The following PLXNA2 variants were observed in gnomAD, a reference collection of about 807,000 sequenced individuals.
PLXNA2 encodes plexin-A2.
A neutral mutation model predicts 193.5 loss-of-function variants in PLXNA2; 91 were observed. The ratio of observed to expected loss-of-function variants is 0.47; its 90% CI spans 0.40 to 0.56. The LOEUF is 0.56. PLXNA2 is among the 20% of genes least tolerant of loss of function. The pLI, the probability that PLXNA2 is intolerant of heterozygous loss-of-function variation, is 0.00. For synonymous variants in PLXNA2, 997 were observed against 1,027.3 expected, an observed-to-expected ratio of 0.97 and a Z score of 0.56; for missense variants, 1,995 against 2,503.2, an observed-to-expected ratio of 0.80 and a Z score of 4.33.
intron 1 of PLXNA2, among the ~76,000 whole-genome samples, chr1:208,242,008 C>T (rs74398479): frequency 7.5e-4 from 114 of 152,224 alleles, no homozygotes; most frequent in African/African-American, 2.5e-3. Flanking sequence ...AATGGTGCTC[C>T]GTGAAGAGAG....
intron 12 of PLXNA2, among the ~76,000 whole-genome samples, chr1:208,072,268 T>A (rs920835551): frequency 9.2e-5 from 14 of 152,204 alleles, no homozygotes; most frequent in African/African-American, 3.4e-4. Flanking sequence ...AAAAGCTACA[T>A]GGTGGTCATT....
At chr1:208,131,694 CG>C (rs1416165028) in intron 4 of PLXNA2, among the ~76,000 whole-genome samples, 3 of 152,168 alleles carry the variant, frequency 2.0e-5, no homozygotes, top group Admixed American at 1.3e-4. Flanking sequence ...GAAGCTGAAT[CG>C]GGGCTTCAAT....
intron 17 of PLXNA2, among the ~76,000 whole-genome samples, 190 bp downstream of exon 17, chr1:208,050,819 G>T (rs1665233877): frequency 6.6e-6 from 1 of 151,974 alleles, no homozygotes; most frequent in African/African-American, 2.4e-5. Flanking sequence ...ACAGGGTGAG[G>T]CCATGTCTTA....
intron 3 of PLXNA2, among the ~76,000 whole-genome samples, chr1:208,150,498 G>A (rs1329814401): frequency 1.3e-5 from 2 of 152,162 alleles, no homozygotes; most frequent in Non-Finnish European, 2.9e-5. Flanking sequence ...GGGACAGTAT[G>A]AGAATTAATA....
At chr1:208,106,004 T>C (rs1300204980) in intron 4 of PLXNA2, among the ~76,000 whole-genome samples, 1 of 151,880 alleles carries the variant, frequency 6.6e-6, no homozygotes, top group Non-Finnish European at 1.5e-5. Flanking sequence ...AGTGAAACCC[T>C]GTTCTTCTCC....
chr1:208,209,983 A>AATTTTTTTTTTTTTTTTTTTTTTTT lies in PLXNA2; in HGVS notation c.1371+296_1371+297insAAAAAAAAAAAAAAAAAAAAAAAAT, dbSNP rs34413554. On this transcript the variant is annotated intron_variant, in intron 3 of 31. Coordinates refer to ENST00000367033, the MANE Select transcript of PLXNA2 (RefSeq NM_025179.4). ...TTGCTTGATTTGGGAATGAAGAGCA[A>AATTTTTTTTTTTTTTTTTTTTTTTT]TTTTTTTTTTTTTTTTTTTTTGCTT... 3.9e-3 allele frequency: 342 copies of AATTTTTTTTTTTTTTTTTTTTTTTT among 87,920 alleles called. 105 individuals carry two copies. The highest frequency in any genetic ancestry group is 9.8e-3 in the East Asian group (24 of 2,456). The allele number at this position is 87,920 out of a possible 1,614,324, so 5.4% of individuals were successfully genotyped here. A position where few individuals can be genotyped will look rare whatever the true frequency, so the allele number is the denominator to read the frequency against.
chr1:208,129,973 A>T (rs1263972371), intron 4 of PLXNA2, among the ~76,000 whole-genome samples: 3 of 152,138 alleles, frequency 2.0e-5, no homozygotes, highest in African/African-American at 7.2e-5. Flanking sequence ...ATTAAATATT[A>T]GTTGAGGGAC....
intron 13 of PLXNA2, among the ~76,000 whole-genome samples, chr1:208,058,357 C>T (rs986257723): frequency 1.3e-5 from 2 of 152,136 alleles, no homozygotes; most frequent in African/African-American, 2.4e-5. Flanking sequence ...GCCCTTTAAC[C>T]GACATTAACC....
At chr1:208,237,887 C>A (rs1277869896) in intron 1 of PLXNA2, among the ~76,000 whole-genome samples, 5 of 152,194 alleles carry the variant, frequency 3.3e-5, no homozygotes, top group African/African-American at 9.7e-5. Context: ...ACTTTTTCAT[C>A]CTTGTATTAG....
chr1:208,168,104 T>C (rs1669366227), intron 3 of PLXNA2, among the ~76,000 whole-genome samples: 1 of 152,182 alleles, frequency 6.6e-6, no homozygotes, highest in African/African-American at 2.4e-5. Flanking sequence ...TCCGCAAGCT[T>C]CTAGGGCTTT....
In PLXNA2 at chr1:208,223,593, A is replaced by AATG. The variant is rs1248524614; in HGVS notation, c.-80-5594_-80-5592dup. Among the ~76,000 whole-genome samples the AATG allele has an allele frequency of 4.4e-4, 67 of 152,152 alleles. 1 individual carries two copies. The highest frequency in any genetic ancestry group is 3.8e-4 in the Non-Finnish European group (26 of 68,018). ...AATGGCTCCTTTCCCCCTTGGGGAG[A>AATG]ATGATTGCTTCTGTCCTCTTCTAGG... On this transcript the variant is annotated intron_variant, in intron 1 of 31. Transcript: ENST00000367033.
At chr1:208,100,896 G>A (rs935752956) in intron 5 of PLXNA2, among the ~76,000 whole-genome samples, 4 of 152,094 alleles carry the variant, frequency 2.6e-5, no homozygotes, top group South Asian at 4.1e-4. Flanking sequence ...CCCGCTCCAC[G>A]GCTGGTGCCA....
At chr1:208,155,338 C>T (rs1668906438) in intron 3 of PLXNA2, among the ~76,000 whole-genome samples, 1 of 152,126 alleles carries the variant, frequency 6.6e-6, no homozygotes, top group African/African-American at 2.4e-5. Flanking sequence ...AGGCTCCAGT[C>T]CTTCACCCAC....
At chr1:208,195,412 C>G (rs1052992242) in intron 3 of PLXNA2, among the ~76,000 whole-genome samples, 1 of 152,130 alleles carries the variant, frequency 6.6e-6, no homozygotes, top group Admixed American at 6.5e-5. Flanking sequence ...AGGGTAGACC[C>G]ACAGACCCAC....
chr1:208,108,503 A>C (rs4844641), intron 4 of PLXNA2, among the ~76,000 whole-genome samples: 32,216 of 152,116 alleles, frequency 0.21, 3,781 homozygotes, highest in Admixed American at 0.28. Flanking sequence ...GGGGACAGAG[A>C]ATCAACACTG....
At chr1:208,140,794 T>G (rs1361063688) in intron 4 of PLXNA2, among the ~76,000 whole-genome samples, 3 of 152,256 alleles carry the variant, frequency 2.0e-5, no homozygotes, top group Non-Finnish European at 4.4e-5. Flanking sequence ...AGAGCATGTA[T>G]AGAATTCAAT....
intron 9 of PLXNA2, among the ~76,000 whole-genome samples, chr1:208,089,408 T>A (rs1666639028): frequency 6.6e-6 from 1 of 152,222 alleles, no homozygotes; most frequent in Non-Finnish European, 1.5e-5. Flanking sequence ...ATGCCTGAGT[T>A]CTCTGTAGCC....
At chr1:208,119,655 G>A (rs556166032) in intron 4 of PLXNA2, among the ~76,000 whole-genome samples, 7 of 152,268 alleles carry the variant, frequency 4.6e-5, no homozygotes, top group South Asian at 4.1e-4. Context: ...TGTCACCCAG[G>A]CTAGAGTGCA....
chr1:208,134,734 A>G lies in PLXNA2; in HGVS notation c.1506+7595T>C, dbSNP rs1387392221. Among the ~76,000 whole-genome samples, 3 of 152,102 alleles carry G rather than the reference A, an allele frequency of 2.0e-5. No homozygotes were observed. In the East Asian group the frequency reaches 5.8e-4, roughly 29 times the overall value. ...CCGCCTTGTAAAAATACACCTTGGCATGCTCTGCCTGCACCCTGGGAAGCC... is the reference window on the plus strand; with the variant it reads ...CCGCCTTGTAAAAATACACCTTGGCGTGCTCTGCCTGCACCCTGGGAAGCC... On this transcript the variant is annotated intron_variant, in intron 4 of 31. Coordinates refer to ENST00000367033, the MANE Select transcript of PLXNA2 (RefSeq NM_025179.4).
Sources: gnomAD v4.1 joint callset for allele counts (sites outside exome capture counted in the v4.1 genomes callset) on GRCh38, gnomAD v4.1.1 for gene constraint, MANE v1.5 for transcripts, NCBI Gene and HGNC (gene_info 2026-07-23, HGNC 2026-07-21) for gene names.